SACS: variants seen among roughly 807,000 people sequenced by gnomAD.
SACS encodes sacsin.
In SACS, 197 loss-of-function variants were observed where a neutral mutation model predicts 348.0. That is an observed-to-expected ratio of 0.57 (90% CI 0.50 to 0.64). The LOEUF (loss-of-function observed/expected upper bound fraction) is 0.64, where lower values mean the gene tolerates loss of function less well. Among genes scored for constraint, SACS ranks in the 30% least tolerant of loss-of-function variants. SACS has a pLI of 0.00. For synonymous variants in SACS, 1,985 were observed against 1,910.6 expected, an observed-to-expected ratio of 1.04 and a Z score of -1.02; for missense variants, 4,999 against 5,360.8, an observed-to-expected ratio of 0.93 and a Z score of 2.11.
chr13:23,423,430 C>CA (rs921510686), intron 1 of SACS, among the ~76,000 whole-genome samples: 1 of 151,996 alleles, frequency 6.6e-6, no homozygotes, highest in African/African-American at 2.4e-5. Flanking sequence ...TCACTAATAA[C>CA]AAAAAACAAT....
chr13:23,422,335 T>C (rs1873986464), intron 1 of SACS, among the ~76,000 whole-genome samples: 5 of 152,208 alleles, frequency 3.3e-5, no homozygotes, highest in African/African-American at 1.2e-4. Context: ...CCTGTGTTTT[T>C]ATTAAAGAAG....
chr13:23,390,908 G>A (rs1872506478), intron 2 of SACS, among the ~76,000 whole-genome samples: 2 of 152,146 alleles, frequency 1.3e-5, no homozygotes, highest in South Asian at 4.1e-4. Context: ...CTGCACACAG[G>A]AGTCCCTCCT....
intron 5 of SACS, among the ~76,000 whole-genome samples, chr13:23,367,489 T>A (rs941907872): frequency 6.6e-6 from 1 of 152,242 alleles, no homozygotes; most frequent in East Asian, 1.9e-4. Flanking sequence ...CTGGTCTACT[T>A]TGACAATTAA....
chr13:23,331,773 T>A lies in SACS; in HGVS notation c.12103A>T (p.Ile4035Leu). ...TCTCTTAGGGCTTTGCAAAGTCTTA[T>A]GGCTTTTTCTTCATTGGCCAGAAAA... Reference protein sequence around the residue: ...NAFLANEEKAIRLCKALREGL... With the variant: ...NAFLANEEKALRLCKALREGL... The change falls in exon 10 of 10, where the codon ATA becomes TTA. Residue 4035 changes from isoleucine to leucine, a missense_variant. Physicochemically the swap from Ile to Leu is conservative, Grantham distance 5. Coordinates refer to ENST00000382292, the MANE Select transcript of SACS (RefSeq NM_014363.6). 1 of 1,613,982 alleles carries A rather than the reference T, an allele frequency of 6.2e-7. No individual in the cohort carries two copies. The highest frequency in any genetic ancestry group is 1.1e-5 in the South Asian group (1 of 91,076).
Position 23,333,865 on chromosome 13 carries a change from G to A in SACS, c.10011C>T (p.Ile3337=), listed in dbSNP as rs780642116. The change falls in exon 10 of 10, where the codon ATC becomes ATT. Residue 3337 remains isoleucine (I), a synonymous_variant. Coordinates refer to ENST00000382292, the MANE Select transcript of SACS (RefSeq NM_014363.6). ...AGCIQLALNK[I]CSKDSAFVPL... ...GAACAAATGCACTGTCTTTGGAACA[G>A]ATTTTGTTCAAAGCAAGCTGAATAC... 3.1e-6 allele frequency: 5 copies of A among 1,613,824 alleles called. No individual in the cohort carries two copies. Among genetic ancestry groups the A allele is most frequent in the Non-Finnish European group, 3.4e-6 (4 of 1,179,828 alleles).
chr13:23,339,342 G>A lies in SACS; in HGVS notation c.4534C>T (p.Pro1512Ser), dbSNP rs750927163. ...GGTCCATGACAAGCTGCCATCCCTG[G>A]GTCTAGGAGATTCTCTCTTATGTCC... ...NMDIRENLLD[P>S]GMAACHGPAL... The change falls in exon 10 of 10, where the codon CCA (proline) becomes TCA (serine). Residue 1512 changes from proline to serine, a missense_variant. Coordinates refer to ENST00000382292, the MANE Select transcript of SACS (RefSeq NM_014363.6). The A allele has an allele frequency of 1.9e-6, 3 of 1,612,800 alleles. No homozygotes were observed. The highest frequency in any genetic ancestry group is 2.2e-5 in the East Asian group (1 of 44,860).
Position 23,385,641 on chromosome 13 carries a change from A to G in SACS, c.21-10372T>C, listed in dbSNP as rs570488525. On this transcript the variant is annotated intron_variant, in intron 2 of 9. Transcript: ENST00000382292. ...CCAAAGTGCTAGGACTACAGGCATG[A>G]GCCACAGCACCTGGCCAATCATGGA... 3.3e-5 allele frequency among the ~76,000 whole-genome samples: 5 copies of G among 152,252 alleles called. No homozygotes were observed. In the South Asian group the frequency reaches 1.0e-3, roughly 32 times the overall value.
intron 2 of SACS, among the ~76,000 whole-genome samples, chr13:23,404,836 A>C (rs1317104509): frequency 6.6e-6 from 1 of 152,170 alleles, no homozygotes; most frequent in South Asian, 2.1e-4. Flanking sequence ...AAAATACCTA[A>C]GAATACACCT....
Position 23,375,103 on chromosome 13 carries a change from C to A in SACS, c.171+16G>T. 1 of 1,489,310 alleles carries A rather than the reference C, an allele frequency of 6.7e-7. No homozygotes were observed. The highest frequency in any genetic ancestry group is 1.3e-5 in the South Asian group (1 of 78,160). 92.3% of individuals were successfully genotyped at this position (1,489,310 alleles called of 1,614,324 possible). A position where few individuals can be genotyped will look rare whatever the true frequency, so the allele number is the denominator to read the frequency against. Reference sequence around the variant, plus strand: ...GCGTGGCGGAGCCCAGCCCAGCGCCCCCGGCCACCGCCTACCTCGCGGCCG... The same window carrying A: ...GCGTGGCGGAGCCCAGCCCAGCGCCACCGGCCACCGCCTACCTCGCGGCCG... On this transcript the variant is annotated intron_variant, in intron 3 of 9. Transcript: ENST00000382292.
chr13:23,335,818 C>G lies in SACS; in HGVS notation c.8058G>C (p.Leu2686=), dbSNP rs779477513. 5 of 1,613,816 alleles carry G rather than the reference C, an allele frequency of 3.1e-6. No homozygotes were observed. In the East Asian group the frequency reaches 1.1e-4, roughly 36 times the overall value. The change falls in exon 10 of 10, where the codon CTG becomes CTC. Residue 2686 remains leucine (L), a synonymous_variant. Coordinates refer to ENST00000382292, the MANE Select transcript of SACS (RefSeq NM_014363.6). This position sits in a 1 kb window ranked among gnomAD's most constrained non-coding sequence, Gnocchi z 4.7. ...AATTATCCAGTTTAAAATGGGTTCC[C>G]AGATAAAGATCCAGAACATCTGAGA... ...TQFSDVLDLY[L]GTHFKLDNCT...
At chr13:23,427,223 T>C (rs4083575) in intron 1 of SACS, 107,359 of 152,156 alleles carry the variant, frequency 0.71, 38,408 homozygotes, top group East Asian at 0.92. Flanking sequence ...CTTTTGCTGA[T>C]CTAATATTTT....
chr13:23,352,517 A>T (rs1870028540), intron 9 of SACS, among the ~76,000 whole-genome samples: 1 of 152,156 alleles, frequency 6.6e-6, no homozygotes, highest in Admixed American at 6.5e-5. Context: ...CTGCGTTCTG[A>T]TCTAGGTTTA....
chr13:23,382,276 C>G (rs1032330160), intron 2 of SACS, among the ~76,000 whole-genome samples: 5 of 152,158 alleles, frequency 3.3e-5, no homozygotes, highest in Admixed American at 6.5e-5. Context: ...ACCTTAGCCT[C>G]CCGGGTAGCT....
chr13:23,384,348 G>A (rs571912106), intron 2 of SACS, among the ~76,000 whole-genome samples: 14 of 152,316 alleles, frequency 9.2e-5, no homozygotes, highest in African/African-American at 3.4e-4. Context: ...CCTCTTGTAT[G>A]TCACTCTGTG....
intron 9 of SACS, among the ~76,000 whole-genome samples, chr13:23,353,206 AC>A (rs375966718): frequency 6.6e-6 from 1 of 151,968 alleles, no homozygotes; most frequent in Non-Finnish European, 1.5e-5. Flanking sequence ...TCACTTTAAG[AC>A]CCCCGCAAGA....
intron 2 of SACS, among the ~76,000 whole-genome samples, chr13:23,380,207 TC>T (rs1871997018): frequency 6.7e-6 from 1 of 150,358 alleles, no homozygotes; most frequent in Admixed American, 6.6e-5. Flanking sequence ...AGAACTGACT[TC>T]CCCCACCTCT....
chr13:23,420,067 C>A (rs79709673), intron 1 of SACS, among the ~76,000 whole-genome samples: 3,648 of 152,180 alleles, frequency 0.024, 60 homozygotes, highest in Middle Eastern at 0.054. Context: ...CACCTAGGGC[C>A]CGATAGTCAC....
At position 23,335,673 on chromosome 13, in the gene SACS, C is replaced by A; in HGVS notation, c.8203G>T (p.Ala2735Ser). The A allele has an allele frequency of 6.2e-7, 1 of 1,614,012 alleles. No individual in the cohort carries two copies. Among genetic ancestry groups the A allele is most frequent in the Non-Finnish European group, 8.5e-7 (1 of 1,179,922 alleles). The change falls in exon 10 of 10, where the codon GCA becomes TCA. Residue 2735 changes from alanine (A) to serine (S), a missense_variant. By Grantham distance (99) the Ala-to-Ser change is moderately conservative (BLOSUM62 1). Around this residue, in one of 6 missense-constraint regions of SACS, gnomAD observed 3,156 missense variants for 3,380.1 expected, o/e 0.93. Coordinates refer to ENST00000382292, the MANE Select transcript of SACS (RefSeq NM_014363.6). This position sits in a 1 kb window ranked among gnomAD's most constrained non-coding sequence, Gnocchi z 4.7. ...TGATTAAGAAACATTAGAAGTTCTGCCCCATCTGAGCGCAGTTTGTCCAAA... is the reference window on the plus strand; with the variant it reads ...TGATTAAGAAACATTAGAAGTTCTGACCCATCTGAGCGCAGTTTGTCCAAA... ...NLLDKLRSDG[A>S]ELLMFLNHME...
At chr13:23,346,321 T>C (rs1177313586) in intron 9 of SACS, among the ~76,000 whole-genome samples, 2 of 152,200 alleles carry the variant, frequency 1.3e-5, no homozygotes, top group East Asian at 3.9e-4. Flanking sequence ...ATTTTTTGTA[T>C]TTTTAGTAGA....
Sources: gnomAD v4.1 joint callset for allele counts (sites outside exome capture counted in the v4.1 genomes callset) on GRCh38, gnomAD v4.1.1 for gene constraint, gnomAD v4.1.1 regional missense constraint, Gnocchi (gnomAD v3.1) non-coding constraint, MANE v1.5 for transcripts, NCBI Gene and HGNC (gene_info 2026-07-23, HGNC 2026-07-21) for gene names.